ZC3H7A: variants seen among roughly 807,000 people sequenced by gnomAD.
ZC3H7A encodes zinc finger CCCH domain-containing protein 7A.
In ZC3H7A, 44 loss-of-function variants were observed where a neutral mutation model predicts 125.5. The ratio of observed to expected loss-of-function variants is 0.35; its 90% CI spans 0.28 to 0.45. ZC3H7A has a LOEUF of 0.45. Ranked by LOEUF, ZC3H7A falls within the 20% of genes least tolerant of loss-of-function variation. ZC3H7A has a pLI of 1.00. For missense variants in ZC3H7A, 977 were observed against 1,170.7 expected (o/e 0.83, Z 2.41); for synonymous variants, 399 against 391.2 (o/e 1.02, Z -0.23).
At position 11,768,382 on chromosome 16, in the gene ZC3H7A, A is replaced by T. The variant is rs773559918; in HGVS notation, c.1293T>A (p.Thr431=). The T allele has an allele frequency of 1.3e-6, 2 of 1,598,812 alleles. No homozygotes were observed. The highest frequency in any genetic ancestry group is 1.7e-6 in the Non-Finnish European group (2 of 1,170,128). ...GGGTTCCTTCGAGGGGATGTCTTGG[A>T]GTCACTGATGAAGATGGTTTGGTAA... ...SAVTKPSSSV[T]PRHPLEGTHE... Residue 431 remains threonine (T), a synonymous_variant, in exon 12 of 23, where the codon ACT becomes ACA. Transcript: ENST00000355758.
At position 11,789,203 on chromosome 16, in the gene ZC3H7A, C is replaced by G. The variant is rs376011332; in HGVS notation, c.-34-6815G>C. Among the ~76,000 whole-genome samples, 188 of 152,210 alleles carry G rather than the reference C, an allele frequency of 1.2e-3. 1 individual carries two copies. Among genetic ancestry groups the G allele is most frequent in the African/African-American group, 4.4e-3 (182 of 41,538 alleles). On this transcript the variant is annotated intron_variant, in intron 1 of 22. Transcript: ENST00000355758. ...ACTCCATGTACTACTTTTGAAACTT[C>G]CTGTGAGTCTATAATTATTTCAAAA...
intron 3 of ZC3H7A, 112 bp from the exon 4 acceptor site, chr16:11,779,475 G>A: frequency 1.1e-6 from 1 of 896,620 alleles, no homozygotes; most frequent in South Asian, 1.8e-5. Context: ...CAGAACAGCA[G>A]CATTGCTCTA....
At chr16:11,763,845 C>T (rs2052803894) in intron 15 of ZC3H7A, among the ~76,000 whole-genome samples, 186 bp from the exon 16 acceptor site, 2 of 146,972 alleles carry the variant, frequency 1.4e-5, no homozygotes, top group South Asian at 4.3e-4. Flanking sequence ...ACTCTATCGC[C>T]CAGGCTGGAG....
In ZC3H7A at chr16:11,763,717, ATATATATATATATATATATATATAT is replaced by A. The variant is rs1179439966; in HGVS notation, c.1821-83_1821-59del. 2.8e-3 allele frequency: 13 copies of A among 4,654 alleles called. No homozygotes were observed. In the African/African-American group the frequency reaches 0.028, roughly 10 times the overall value. 0.3% of individuals were successfully genotyped at this position (4,654 alleles called of 1,614,324 possible). A position where few individuals can be genotyped will look rare whatever the true frequency, so the allele number is the denominator to read the frequency against. Reference sequence around the variant, plus strand: ...TCTGCCATAGATTTTTCAAATATATATATATATATATATATATATATATATATATATATATATATATATATATATA... The same window carrying A: ...TCTGCCATAGATTTTTCAAATATATAATATATATATATATATATATATATA... On this transcript the variant is annotated intron_variant, in intron 15 of 22. Coordinates refer to ENST00000355758, the MANE Select transcript of ZC3H7A (RefSeq NM_014153.4).
intron 19 of ZC3H7A, chr16:11,758,861 C>A (rs973050368): frequency 7.9e-5 from 21 of 265,522 alleles, no homozygotes; most frequent in Admixed American, 1.7e-4. Context: ...CCCTCTCAGT[C>A]TGACAGCTCC....
At chr16:11,770,047 A>T (rs1167890541) in intron 10 of ZC3H7A, among the ~76,000 whole-genome samples, 1 of 151,908 alleles carries the variant, frequency 6.6e-6, no homozygotes, top group East Asian at 1.9e-4. Flanking sequence ...TCGGCCTCCC[A>T]AAGTGCTGGG....
intron 3 of ZC3H7A, among the ~76,000 whole-genome samples, chr16:11,780,011 G>A (rs1446692492): frequency 6.6e-6 from 1 of 151,900 alleles, no homozygotes; most frequent in Non-Finnish European, 1.5e-5. Flanking sequence ...GGGGGAGGGG[G>A]ATGTTAAACT....
chr16:11,774,544 CA>C (rs2053047444), intron 8 of ZC3H7A, 25 bp from the exon 9 acceptor site: 1 of 1,491,930 alleles, frequency 6.7e-7, no homozygotes, highest in Non-Finnish European at 8.9e-7. Flanking sequence ...GAAATGTACT[CA>C]GTCACTTTCA....
At chr16:11,795,114 C>T (rs1374782312) in intron 1 of ZC3H7A, among the ~76,000 whole-genome samples, 2 of 152,322 alleles carry the variant, frequency 1.3e-5, no homozygotes, top group African/African-American at 4.8e-5. Context: ...TTGTAGCCTC[C>T]AGCATACAGC....
chr16:11,788,734 C>G (rs1235462356), intron 1 of ZC3H7A, among the ~76,000 whole-genome samples: 1 of 151,758 alleles, frequency 6.6e-6, no homozygotes, highest in South Asian at 2.1e-4. Context: ...CTGCCTCAGC[C>G]GCCCCAGTAT....
At chr16:11,782,670 C>A (rs553838260) in intron 1 of ZC3H7A, 14 of 192,332 alleles carry the variant, frequency 7.3e-5, no homozygotes, top group Non-Finnish European at 1.1e-4. Flanking sequence ...TGCAGTGGCG[C>A]GATCTCGCGA....
rs2052838026 is a variant in ZC3H7A at position 11,765,409 on chromosome 16, T to C, written c.1719+80A>G. ...AATATTTATTCATTTACCAAGTGAATGTTTTATCACATGGCAGGACAATAC... is the reference window on the plus strand; with the variant it reads ...AATATTTATTCATTTACCAAGTGAACGTTTTATCACATGGCAGGACAATAC... On this transcript the variant is annotated intron_variant, in intron 14 of 22. Transcript: ENST00000355758. The surrounding 1 kb of genome is among the most constrained non-coding windows in gnomAD (Gnocchi z 4.8). 4 of 971,946 alleles carry C rather than the reference T, an allele frequency of 4.1e-6. No individual in the cohort carries two copies. The highest frequency in any genetic ancestry group is 5.9e-6 in the Non-Finnish European group (4 of 677,578). 60.2% of individuals were successfully genotyped at this position (971,946 alleles called of 1,614,324 possible). A position where few individuals can be genotyped will look rare whatever the true frequency, so the allele number is the denominator to read the frequency against.
Position 11,762,061 on chromosome 16 carries a change from T to G in ZC3H7A, c.2080-18A>C, listed in dbSNP as rs971388025. ...CCAAGTACCTTAAACAATTAAAAGA[T>G]TCGTTTTAATTTTTTTAACAGAAAA... On this transcript the variant is annotated intron_variant, in intron 17 of 22. Coordinates refer to ENST00000355758, the MANE Select transcript of ZC3H7A (RefSeq NM_014153.4). 9 of 1,558,122 alleles carry G rather than the reference T, an allele frequency of 5.8e-6. No homozygotes were observed. Among genetic ancestry groups the G allele is most frequent in the Non-Finnish European group, 7.8e-6 (9 of 1,155,416 alleles).
chr16:11,761,965 G>A lies in ZC3H7A; in HGVS notation c.2158C>T (p.Gln720Ter). Residue 720 changes from glutamine to a stop codon, truncating the protein, a stop_gained, in exon 18 of 23, where the codon CAA (glutamine) becomes TAA (stop). Coordinates refer to ENST00000355758, the MANE Select transcript of ZC3H7A (RefSeq NM_014153.4). LOFTEE classifies it high-confidence loss of function. ...CTGTTTTTGTCTGGTTCAATGACTT[G>A]ACCGTTTCTCAGACACTGGGCGCAC... ...FVCAQCLRNGQVIEPDKNRKY... is the reference protein window; with the variant it reads ...FVCAQCLRNG 1 of 1,613,408 alleles carries A rather than the reference G, an allele frequency of 6.2e-7. No individual in the cohort carries two copies.
At chr16:11,780,571 A>G (rs1468183731) in intron 3 of ZC3H7A, among the ~76,000 whole-genome samples, 1 of 152,232 alleles carries the variant, frequency 6.6e-6, no homozygotes, top group Non-Finnish European at 1.5e-5. Context: ...AACTATTAAC[A>G]AAACTCGTGA....
rs766819537 is a variant in ZC3H7A at position 11,758,561 on chromosome 16, T to C, written c.2320-22A>G. On this transcript the variant is annotated intron_variant, in intron 19 of 22. Coordinates refer to ENST00000355758, the MANE Select transcript of ZC3H7A (RefSeq NM_014153.4). ...ACAGCTGTATAAAAAAATAGGAATA[T>C]GATTAAGACAAAGTACACCTAGTAA... is the stretch of plus-strand genomic sequence containing the variant. 1.1e-4 allele frequency: 179 copies of C among 1,575,124 alleles called. 1 individual carries two copies. The East Asian group carries it at 3.9e-3, about 34-fold the overall frequency.
intron 16 of ZC3H7A, chr16:11,763,045 T>G (rs1252902205): frequency 3.1e-6 from 1 of 319,172 alleles, no homozygotes; most frequent in African/African-American, 2.2e-5. Context: ...AGTTTGAAGC[T>G]CAGGACAAAA....
Position 11,751,060 on chromosome 16 carries a change from C to T in ZC3H7A, c.*257G>A. 2.7e-6 allele frequency: 1 copy of T among 365,056 alleles called. No individual in the cohort carries two copies. Among genetic ancestry groups the T allele is most frequent in the Non-Finnish European group, 5.0e-6 (1 of 201,140 alleles). The allele number at this position is 365,056 out of a possible 1,614,324, so 22.6% of individuals were successfully genotyped here. On this transcript the variant is annotated 3_prime_UTR_variant, in exon 23 of 23. Coordinates refer to ENST00000355758, the MANE Select transcript of ZC3H7A (RefSeq NM_014153.4). ...TATAACCTTATCCTCTTCCCCAACA[C>T]ACTTCATCCAAAAGTCTGTTCAACA... is the stretch of plus-strand genomic sequence containing the variant.
At position 11,774,473 on chromosome 16, in the gene ZC3H7A, C is replaced by T. The variant is rs762637256; in HGVS notation, c.666G>A (p.Pro222=). ...RQEAVPVVSL[P]APSFSHEVGS... ...CAACTTCATGAGAAAAACTGGGTGC[C>T]GGTAAAGAGACAACAGGAACTGCTT... Residue 222 remains proline, a synonymous_variant, in exon 9 of 23, where the codon CCG becomes CCA. Coordinates refer to ENST00000355758, the MANE Select transcript of ZC3H7A (RefSeq NM_014153.4). 6 of 1,579,786 alleles carry T rather than the reference C, an allele frequency of 3.8e-6. No homozygotes were observed. The highest frequency in any genetic ancestry group is 2.7e-5 in the African/African-American group (2 of 73,776).
Sources: allele counts gnomAD v4.1 joint callset (sites outside exome capture counted in the v4.1 genomes callset), GRCh38; gene constraint gnomAD v4.1.1; non-coding constraint Gnocchi (gnomAD v3.1); transcripts MANE v1.5; gene names NCBI Gene and HGNC (gene_info 2026-07-23, HGNC 2026-07-21).